Variants in MAP2K4 observed in about 807,000 individuals in gnomAD.
The protein encoded by MAP2K4 is mitogen-activated protein kinase kinase 4.
In MAP2K4, 4 loss-of-function variants were observed where a neutral mutation model predicts 48.5. The ratio of observed to expected loss-of-function variants is 0.08; its 90% CI spans 0.04 to 0.19. MAP2K4 has a LOEUF of 0.19. Among genes scored for constraint, MAP2K4 ranks in the 10% least tolerant of loss-of-function variants. The probability of loss-of-function intolerance (pLI) is 1.00; values close to 1 mark genes in which losing one functional copy is unlikely to be tolerated. For missense variants in MAP2K4, 258 were observed against 493.3 expected (o/e 0.52, Z 4.52); for synonymous variants, 166 against 173.1 (o/e 0.96, Z 0.32).
intron 1 of MAP2K4, among the ~76,000 whole-genome samples, chr17:12,039,299 C>T (rs1191477641): frequency 6.6e-6 from 1 of 152,220 alleles, no homozygotes; most frequent in East Asian, 1.9e-4. Flanking sequence ...GTCATAAGAA[C>T]AAACTGATGC....
At chr17:12,096,912 G>A (rs1374549418) in intron 4 of MAP2K4, among the ~76,000 whole-genome samples, 11 of 151,992 alleles carry the variant, frequency 7.2e-5, no homozygotes, top group African/African-American at 1.5e-4. Flanking sequence ...TTCTCAACTC[G>A]TAGTTTTTTT....
intron 1 of MAP2K4, among the ~76,000 whole-genome samples, chr17:12,053,547 GT>G (rs369703238): frequency 0.012 from 1,743 of 143,650 alleles, 35 homozygotes; most frequent in African/African-American, 0.042. Flanking sequence ...GAGGGTTTTT[GT>G]TTTTTTTTTA....
intron 2 of MAP2K4, among the ~76,000 whole-genome samples, chr17:12,078,751 G>A (rs553265008): frequency 3.3e-5 from 5 of 152,114 alleles, no homozygotes; most frequent in East Asian, 3.9e-4. Context: ...GGCCTCTTAC[G>A]TAGTTTAGGA....
chr17:12,059,252 T>C (rs962226670), intron 2 of MAP2K4, among the ~76,000 whole-genome samples: 3 of 152,214 alleles, frequency 2.0e-5, no homozygotes, highest in Admixed American at 2.0e-4. Flanking sequence ...GTGGCTACCT[T>C]TTAAATTTTC....
intron 1 of MAP2K4, among the ~76,000 whole-genome samples, chr17:12,038,734 G>C (rs1030140805): frequency 2.0e-5 from 3 of 152,032 alleles, no homozygotes; most frequent in Admixed American, 1.3e-4. Context: ...TTATGAAGTA[G>C]GTATAATAGT....
intron 8 of MAP2K4, 84 bp downstream of exon 8, chr17:12,125,455 C>A: frequency 2.8e-6 from 3 of 1,075,060 alleles, no homozygotes; most frequent in South Asian, 2.5e-5. Context: ...CAGACTTCCC[C>A]GTTCGTTAAG....
chr17:12,060,663 G>A (rs553469579), intron 2 of MAP2K4, among the ~76,000 whole-genome samples: 1 of 152,140 alleles, frequency 6.6e-6, no homozygotes, highest in African/African-American at 2.4e-5. Flanking sequence ...AGCGGTAATG[G>A]TAGAAGTATT....
chr17:12,044,270 A>C (rs905287543), intron 1 of MAP2K4, among the ~76,000 whole-genome samples: 2 of 152,118 alleles, frequency 1.3e-5, no homozygotes, highest in African/African-American at 4.8e-5. Context: ...TGGGTTGTCT[A>C]CTGGATTGGT....
At chr17:12,062,679 G>C (rs935500307) in intron 2 of MAP2K4, among the ~76,000 whole-genome samples, 21 of 152,026 alleles carry the variant, frequency 1.4e-4, no homozygotes, top group African/African-American at 4.8e-4. Context: ...AGTTTTATTG[G>C]GTATAGAATT....
At chr17:12,041,478 G>A (rs577844310) in intron 1 of MAP2K4, among the ~76,000 whole-genome samples, 3 of 152,118 alleles carry the variant, frequency 2.0e-5, no homozygotes, top group South Asian at 2.1e-4. Flanking sequence ...ACAAAAGATC[G>A]CCACGTCTTA....
intron 3 of MAP2K4, 55 bp from the exon 4 acceptor site, chr17:12,095,520 G>A: frequency 6.2e-7 from 1 of 1,606,452 alleles, no homozygotes; most frequent in South Asian, 1.1e-5. Flanking sequence ...AAAATTATTG[G>A]TGTTTTTGAC....
intron 9 of MAP2K4, among the ~76,000 whole-genome samples, chr17:12,132,783 G>T (rs1026602984): frequency 1.3e-5 from 2 of 152,194 alleles, no homozygotes; most frequent in African/African-American, 4.8e-5. Context: ...TGCTGCAGAA[G>T]AGTGCAGAAG....
At chr17:12,141,003 G>A (rs1016475430) in intron 10 of MAP2K4, 144 bp from the exon 11 acceptor site, 15 of 629,242 alleles carry the variant, frequency 2.4e-5, no homozygotes, top group African/African-American at 1.3e-4. Context: ...GGCTGTACTC[G>A]CCTCTCTGAA....
intron 1 of MAP2K4, among the ~76,000 whole-genome samples, chr17:12,038,828 A>ATT (rs1436975661): frequency 6.6e-6 from 1 of 152,186 alleles, no homozygotes; most frequent in Non-Finnish European, 1.5e-5. Context: ...GAACTGTGTG[A>ATT]CCTTGGTCTG....
In MAP2K4 at chr17:12,081,679, G is replaced by A. The variant is rs1971189550; in HGVS notation, c.393+149G>A. 2.7e-6 allele frequency: 2 copies of A among 737,674 alleles called. No homozygotes were observed. The highest frequency in any genetic ancestry group is 4.5e-6 in the Non-Finnish European group (2 of 445,662). 45.7% of individuals were successfully genotyped at this position (737,674 alleles called of 1,614,324 possible). A position where few individuals can be genotyped will look rare whatever the true frequency, so the allele number is the denominator to read the frequency against. On this transcript the variant is annotated intron_variant, in intron 3 of 10. Coordinates refer to ENST00000353533, the MANE Select transcript of MAP2K4 (RefSeq NM_003010.4). The surrounding 1 kb of genome is among the most constrained non-coding windows in gnomAD (Gnocchi z 4.2). ...TCCAACTCCTTTGAGGGTGTTCTGT[G>A]TAGAGGTTTCTTATTGGTGGCACAT... is the stretch of plus-strand genomic sequence containing the variant.
intron 9 of MAP2K4, among the ~76,000 whole-genome samples, chr17:12,131,817 A>T (rs887096605): frequency 6.6e-6 from 1 of 152,172 alleles, no homozygotes; most frequent in Admixed American, 6.5e-5. Context: ...AGAAGGAGAT[A>T]TTTTTCATAC....
At chr17:12,129,321 A>G (rs1304423368) in intron 9 of MAP2K4, 34 bp downstream of exon 9, 22 of 1,613,730 alleles carry the variant, frequency 1.4e-5, no homozygotes, top group Non-Finnish European at 1.8e-5. Flanking sequence ...TCGAACACGC[A>G]TGGCGAGAAT....
At chr17:12,127,267 A>T (rs910051111) in intron 8 of MAP2K4, among the ~76,000 whole-genome samples, 1 of 152,166 alleles carries the variant, frequency 6.6e-6, no homozygotes, top group Non-Finnish European at 1.5e-5. Context: ...TAAAGAAGAG[A>T]TTCTTCTTTA....
intron 1 of MAP2K4, among the ~76,000 whole-genome samples, chr17:12,029,693 C>T (rs1969372103): frequency 6.6e-6 from 1 of 151,988 alleles, no homozygotes; most frequent in Non-Finnish European, 1.5e-5. Flanking sequence ...AATCCCATAA[C>T]TTTGGGAGGC....
Sources: gnomAD v4.1 joint callset for allele counts (sites outside exome capture counted in the v4.1 genomes callset) on GRCh38, gnomAD v4.1.1 for gene constraint, Gnocchi (gnomAD v3.1) non-coding constraint, MANE v1.5 for transcripts, NCBI Gene and HGNC (gene_info 2026-07-23, HGNC 2026-07-21) for gene names.